MDGA2: variants seen among roughly 807,000 people sequenced by gnomAD.
MDGA2 encodes MAM domain containing glycosylphosphatidylinositol anchor 2.
A neutral mutation model predicts 117.8 loss-of-function variants in MDGA2; 40 were observed. The observed-to-expected ratio is 0.34, with a 90% CI of 0.26 to 0.44. MDGA2 has a LOEUF of 0.44. Ranked by LOEUF, MDGA2 falls within the 20% of genes least tolerant of loss-of-function variation. The pLI is 1.00. For missense variants in MDGA2, 1,123 were observed against 1,250.6 expected (o/e 0.90, Z 1.54); for synonymous variants, 452 against 439.0 (o/e 1.03, Z -0.37).
At chr14:47,236,446 A>G (rs1168340226) in intron 2 of MDGA2, among the ~76,000 whole-genome samples, 1 of 152,146 alleles carries the variant, frequency 6.6e-6, no homozygotes, top group African/African-American at 2.4e-5. Context: ...GGTAACATAA[A>G]GAGACTGAGA....
chr14:47,342,276 ATAT>A (rs1566746779), intron 1 of MDGA2, among the ~76,000 whole-genome samples: 26 of 126,420 alleles, frequency 2.1e-4, no homozygotes, highest in Admixed American at 7.1e-4. Context: ...ATATATATAT[ATAT>A]ATAAAATATG....
intron 3 of MDGA2, among the ~76,000 whole-genome samples, chr14:47,187,741 A>C (rs1488239533): frequency 6.6e-6 from 1 of 152,134 alleles, no homozygotes; most frequent in Non-Finnish European, 1.5e-5. Context: ...TAAAGATACC[A>C]TTAAAGTTTT....
intron 3 of MDGA2, among the ~76,000 whole-genome samples, chr14:47,161,318 A>G (rs1883623645): frequency 6.6e-6 from 1 of 152,016 alleles, no homozygotes; most frequent in Admixed American, 6.6e-5. Flanking sequence ...TTTACTATCA[A>G]TTATCTGTTT....
chr14:47,196,164 T>G (rs1594713880), intron 3 of MDGA2, among the ~76,000 whole-genome samples: 2 of 152,188 alleles, frequency 1.3e-5, no homozygotes, highest in South Asian at 4.1e-4. Flanking sequence ...TCAGGGAAAA[T>G]GGAACTAGAA....
At chr14:47,310,498 C>T (rs1385587232) in intron 1 of MDGA2, among the ~76,000 whole-genome samples, 2 of 151,988 alleles carry the variant, frequency 1.3e-5, no homozygotes, top group Non-Finnish European at 1.5e-5. Flanking sequence ...GTTGCTCAAA[C>T]GACTTGTATA....
At chr14:47,334,247 C>T (rs1237470865) in intron 1 of MDGA2, among the ~76,000 whole-genome samples, 4 of 151,634 alleles carry the variant, frequency 2.6e-5, no homozygotes, top group Admixed American at 1.3e-4. Context: ...TGTTTTCAAA[C>T]CTTATGTCTT....
chr14:47,317,369 G>A (rs1169792959), intron 1 of MDGA2, among the ~76,000 whole-genome samples: 3 of 152,102 alleles, frequency 2.0e-5, no homozygotes. Flanking sequence ...CCTAAGGACT[G>A]TCTTGCACAT....
At chr14:46,885,004 G>A (rs1384082874) in intron 10 of MDGA2, among the ~76,000 whole-genome samples, 3 of 151,722 alleles carry the variant, frequency 2.0e-5, no homozygotes, top group African/African-American at 4.8e-5. Flanking sequence ...CCACAACCAC[G>A]CCTGGCTAAT....
intron 8 of MDGA2, among the ~76,000 whole-genome samples, chr14:47,027,064 T>C (rs112889106): frequency 2.3e-3 from 343 of 152,030 alleles, no homozygotes; most frequent in African/African-American, 7.5e-3. Flanking sequence ...TCCCAGCTAC[T>C]TGGGAGGTTG....
intron 10 of MDGA2, among the ~76,000 whole-genome samples, chr14:46,889,140 A>T (rs1009871310): frequency 4.8e-4 from 73 of 152,178 alleles, no homozygotes; most frequent in African/African-American, 1.7e-3. Context: ...GATAATAACT[A>T]ACATGGCGTT....
chr14:47,629,675 C>T (rs902880669), intron 1 of MDGA2, among the ~76,000 whole-genome samples: 2 of 152,104 alleles, frequency 1.3e-5, no homozygotes, highest in South Asian at 2.1e-4. Context: ...TAAAATGTAA[C>T]CCTTATTACT....
At chr14:47,450,742 T>G (rs1275032420) in intron 1 of MDGA2, among the ~76,000 whole-genome samples, 2 of 152,080 alleles carry the variant, frequency 1.3e-5, no homozygotes, top group Non-Finnish European at 2.9e-5. Flanking sequence ...GGACTCCTTA[T>G]TTTCAAGCTG....
chr14:47,586,530 A>C (rs1260948623), intron 1 of MDGA2, among the ~76,000 whole-genome samples: 1 of 152,006 alleles, frequency 6.6e-6, no homozygotes, highest in Non-Finnish European at 1.5e-5. Flanking sequence ...TTATATCTGC[A>C]GACATCAGGA....
At chr14:46,845,473 A>G (rs542812652) in intron 16 of MDGA2, among the ~76,000 whole-genome samples, 10 of 152,356 alleles carry the variant, frequency 6.6e-5, no homozygotes, top group African/African-American at 1.9e-4. Context: ...TAAATCTTCT[A>G]AAACAAATAA....
rs11847585 is a variant in MDGA2, at chr14:46,987,754, T to C, written c.1820-30111A>G. Among the ~76,000 whole-genome samples the C allele has an allele frequency of 4.3e-3, 649 of 152,104 alleles. 7 individuals carry two copies. The highest frequency in any genetic ancestry group is 0.015 in the African/African-American group (623 of 41,512). On this transcript the variant is annotated intron_variant, in intron 8 of 16. Coordinates refer to ENST00000399232, the MANE Select transcript of MDGA2 (RefSeq NM_001113498.3). ...ACAACTATGTGAAAGGCAACTACTA[T>C]GTTGCTTCTATGTGCAAAGCAATTT...
intron 1 of MDGA2, among the ~76,000 whole-genome samples, chr14:47,568,774 T>G (rs1031155097): frequency 3.3e-5 from 5 of 152,194 alleles, no homozygotes; most frequent in African/African-American, 1.2e-4. Flanking sequence ...TAATGCAGAA[T>G]TTTTTTCATG....
At chr14:46,887,328 C>T (rs1034964622) in intron 10 of MDGA2, among the ~76,000 whole-genome samples, 1 of 151,924 alleles carries the variant, frequency 6.6e-6, no homozygotes, top group Non-Finnish European at 1.5e-5. Flanking sequence ...GTTAAGGTAA[C>T]TCTTTTAAGT....
At chr14:47,117,094 G>A (rs1881373085) in intron 5 of MDGA2, among the ~76,000 whole-genome samples, 1 of 152,012 alleles carries the variant, frequency 6.6e-6, no homozygotes, top group Admixed American at 6.6e-5. Context: ...ATTCAAAAAT[G>A]GGATAAAGAT....
chr14:47,389,666 C>G, intron 1 of MDGA2, among the ~76,000 whole-genome samples: 1 of 151,912 alleles, frequency 6.6e-6, no homozygotes, highest in Non-Finnish European at 1.5e-5. Flanking sequence ...GCCTCACTCA[C>G]CCCCTGCAGC....
Sources: allele counts gnomAD v4.1 joint callset (sites outside exome capture counted in the v4.1 genomes callset), GRCh38; gene constraint gnomAD v4.1.1; transcripts MANE v1.5; gene names NCBI Gene and HGNC (gene_info 2026-07-23, HGNC 2026-07-21).